ART4: variants seen among roughly 807,000 people sequenced by gnomAD.
The protein encoded by ART4 is ecto-ADP-ribosyltransferase 4.
In ART4, 14 loss-of-function variants were observed where a neutral mutation model predicts 24.2. The ratio of observed to expected loss-of-function variants is 0.58; its 90% CI spans 0.38 to 0.90. The LOEUF is 0.90. ART4 is among the 40% of genes least tolerant of loss of function. The pLI is 0.00. For missense variants in ART4, 356 were observed against 366.6 expected (o/e 0.97, Z 0.24); for synonymous variants, 145 against 139.9 (o/e 1.04, Z -0.26).
chr12:14,834,074 C>G (rs559240003), intron 2 of ART4, among the ~76,000 whole-genome samples: 157 of 152,302 alleles, frequency 1.0e-3, no homozygotes, highest in African/African-American at 3.6e-3. Context: ...AACATTCCCA[C>G]AAGATGAGTA....
intron 2 of ART4, among the ~76,000 whole-genome samples, chr12:14,839,364 G>T (rs1228266941): frequency 6.6e-6 from 1 of 152,142 alleles, no homozygotes; most frequent in Non-Finnish European, 1.5e-5. Flanking sequence ...AACATATGCT[G>T]TGTCTTAGTC....
intron 2 of ART4, among the ~76,000 whole-genome samples, chr12:14,833,224 G>A (rs1057101255): frequency 6.6e-6 from 1 of 152,132 alleles, no homozygotes; most frequent in Non-Finnish European, 1.5e-5. Context: ...CCTATGAAAA[G>A]GGTAACTGTT....
chr12:14,831,135 G>A (rs1038800649), intron 2 of ART4, among the ~76,000 whole-genome samples: 12 of 151,974 alleles, frequency 7.9e-5, no homozygotes, highest in African/African-American at 2.9e-4. Context: ...TCAATTCTCA[G>A]TCCTCACTGT....
In ART4 at chr12:14,829,402, C is replaced by T. The variant is rs768987443; in HGVS notation, c.914G>A (p.Ser305Asn). The T allele has an allele frequency of 3.1e-6, 5 of 1,606,286 alleles. No homozygotes were observed. Among genetic ancestry groups the T allele is most frequent in the East Asian group, 2.2e-5 (1 of 44,524 alleles). The change falls in exon 3 of 3, where the codon AGT (serine) becomes AAT (asparagine). Residue 305 changes from serine (S) to asparagine (N), a missense_variant. Ser to Asn is a conservative substitution (Grantham distance 46). Coordinates refer to ENST00000228936, the MANE Select transcript of ART4 (RefSeq NM_021071.4). ...TCTGCTTTTGGAAAAGATGATGACA[C>T]TGGTCAAAAAGGAGAGAGATGCAAT... The part of the protein sequence containing the change: ...IAIASLSFLT[S>N]VIIFSKSRV
chr12:14,843,201 G>A lies in ART4; in HGVS notation c.-88C>T. The A allele has an allele frequency of 1.3e-6, 2 of 1,540,488 alleles. No individual in the cohort carries two copies. The highest frequency in any genetic ancestry group is 1.8e-6 in the Non-Finnish European group (2 of 1,133,396). The stretch of plus-strand genomic sequence containing the variant: ...AGTTCTCCTTTGAGGTTTTCTTTCA[G>A]TCTCATCCGTAACCGTTTTTTCCCC... On this transcript the variant is annotated 5_prime_UTR_variant, in exon 1 of 3. Transcript: ENST00000228936.
In ART4 at chr12:14,843,305, G is replaced by A. The variant is rs1863085123; in HGVS notation, c.-192C>T. ...GGAAGAAATCAACTCCGACTTCTTTGCAAAACTGAAATCTCTGTGAAATAG... is the reference window on the plus strand; with the variant it reads ...GGAAGAAATCAACTCCGACTTCTTTACAAAACTGAAATCTCTGTGAAATAG... On this transcript the variant is annotated 5_prime_UTR_variant, in exon 1 of 3. Coordinates refer to ENST00000228936, the MANE Select transcript of ART4 (RefSeq NM_021071.4). 1.7e-6 allele frequency: 1 copy of A among 592,230 alleles called. No individual in the cohort carries two copies. Among genetic ancestry groups the A allele is most frequent in the Non-Finnish European group, 2.9e-6 (1 of 345,412 alleles). 36.7% of individuals were successfully genotyped at this position (592,230 alleles called of 1,614,324 possible). A position where few individuals can be genotyped will look rare whatever the true frequency, so the allele number is the denominator to read the frequency against.
intron 2 of ART4, among the ~76,000 whole-genome samples, chr12:14,831,542 G>C (rs1182761223): frequency 6.6e-6 from 1 of 151,920 alleles, no homozygotes; most frequent in African/African-American, 2.4e-5. Flanking sequence ...TGGGATTATA[G>C]GTGTGAGCCA....
Position 14,829,266 on chromosome 12 carries a change from G to C in ART4, c.*105C>G. The C allele has an allele frequency of 1.3e-6, 1 of 758,982 alleles. No homozygotes were observed. The highest frequency in any genetic ancestry group is 2.0e-6 in the Non-Finnish European group (1 of 495,946). 47.0% of individuals were successfully genotyped at this position (758,982 alleles called of 1,614,324 possible). A position where few individuals can be genotyped will look rare whatever the true frequency, so the allele number is the denominator to read the frequency against. On this transcript the variant is annotated 3_prime_UTR_variant, in exon 3 of 3. Coordinates refer to ENST00000228936, the MANE Select transcript of ART4 (RefSeq NM_021071.4). ...GCACTGGTTTCAGCAGAAGTATGAT[G>C]GGATCATCCTTCCTGGAAAATAAAT... is the stretch of plus-strand genomic sequence containing the variant.
intron 2 of ART4, among the ~76,000 whole-genome samples, 156 bp from the exon 3 acceptor site, chr12:14,829,618 A>G (rs991064529): frequency 3.9e-5 from 6 of 152,212 alleles, no homozygotes; most frequent in African/African-American, 1.4e-4. Flanking sequence ...TTTTTCTAAC[A>G]TAACTTGCTT....
rs1476909971 is a variant in ART4 at position 14,840,372 on chromosome 12, C to T, written c.853+73G>A. 9.0e-6 allele frequency: 12 copies of T among 1,327,862 alleles called. No individual in the cohort carries two copies. In the East Asian group the frequency reaches 2.8e-4, roughly 31 times the overall value. 82.3% of individuals were successfully genotyped at this position (1,327,862 alleles called of 1,614,324 possible). A position where few individuals can be genotyped will look rare whatever the true frequency, so the allele number is the denominator to read the frequency against. On this transcript the variant is annotated intron_variant, in intron 2 of 2. Coordinates refer to ENST00000228936, the MANE Select transcript of ART4 (RefSeq NM_021071.4). ...TTTTTGATCTTTCCCCAAAAACCCACTGAGAAAAAATAACTTTTATAAAAG... is the reference window on the plus strand; with the variant it reads ...TTTTTGATCTTTCCCCAAAAACCCATTGAGAAAAAATAACTTTTATAAAAG...
At position 14,841,277 on chromosome 12, in the gene ART4, C is replaced by T. The variant is rs574163983; in HGVS notation, c.145-124G>A. 57 of 809,238 alleles carry T rather than the reference C, an allele frequency of 7.0e-5. 1 individual carries two copies. The South Asian group carries it at 1.0e-3, about 14-fold the overall frequency. The allele number at this position is 809,238 out of a possible 1,614,324, so 50.1% of individuals were successfully genotyped here. A position where few individuals can be genotyped will look rare whatever the true frequency, so the allele number is the denominator to read the frequency against. ...AACCAATATTTACTGAAGTAAGTTACACTGAAAATCATTACACTGTTCCAA... is the reference window on the plus strand; with the variant it reads ...AACCAATATTTACTGAAGTAAGTTATACTGAAAATCATTACACTGTTCCAA... On this transcript the variant is annotated intron_variant, in intron 1 of 2. Transcript: ENST00000228936.
Position 14,835,610 on chromosome 12 carries a change from C to CT in ART4, c.853+4834dup, listed in dbSNP as rs5796613. Among the ~76,000 whole-genome samples the CT allele has an allele frequency of 9.3e-3, 1,368 of 146,754 alleles. 11 individuals carry two copies. The highest frequency in any genetic ancestry group is 0.024 in the Middle Eastern group (7 of 286). Reference sequence around the variant, plus strand: ...TGAAAACATTCTGAAGGCAATCAAACTTTTTTTTTTTTTTTGACGGAGTCT... The same window carrying CT: ...TGAAAACATTCTGAAGGCAATCAAACTTTTTTTTTTTTTTTTGACGGAGTCT... On this transcript the variant is annotated intron_variant, in intron 2 of 2. Coordinates refer to ENST00000228936, the MANE Select transcript of ART4 (RefSeq NM_021071.4).
At position 14,840,319 on chromosome 12, in the gene ART4, C is replaced by T. The variant is rs946342452; in HGVS notation, c.853+126G>A. On this transcript the variant is annotated intron_variant, in intron 2 of 2. Transcript: ENST00000228936. ...GTGGATTTTCTCTAATCTATCAGTT[C>T]CATCATTACCGAAGGCTAGTTTTCA... The T allele has an allele frequency of 1.7e-5, 13 of 742,944 alleles. 1 individual carries two copies. Among genetic ancestry groups the T allele is most frequent in the Admixed American group, 1.6e-4 (5 of 32,222 alleles). The allele number at this position is 742,944 out of a possible 1,614,324, so 46.0% of individuals were successfully genotyped here. A position where few individuals can be genotyped will look rare whatever the true frequency, so the allele number is the denominator to read the frequency against.
intron 2 of ART4, among the ~76,000 whole-genome samples, chr12:14,834,893 C>T (rs1950419324): frequency 6.6e-6 from 1 of 152,132 alleles, no homozygotes; most frequent in Admixed American, 6.5e-5. Flanking sequence ...TTAATTTGAT[C>T]TCTTGTCTCT....
rs1302702696 is a variant in ART4, at chr12:14,840,890, A to G, written c.408T>C (p.Phe136=). Residue 136 remains phenylalanine (F), a synonymous_variant, in exon 2 of 3, where the codon TTT becomes TTC. Transcript: ENST00000228936. ...TGGCAACAGAGGCCATGGCTCTAGTAAAGTCAGAATGAACATTGCTGTTCA... is the reference window on the plus strand; with the variant it reads ...TGGCAACAGAGGCCATGGCTCTAGTGAAGTCAGAATGAACATTGCTGTTCA... ...YTLNSNVHSD[F]TRAMASVART... 1 of 1,614,208 alleles carries G rather than the reference A, an allele frequency of 6.2e-7. No homozygotes were observed. Among genetic ancestry groups the G allele is most frequent in the South Asian group, 1.1e-5 (1 of 91,084 alleles).
At chr12:14,842,228 C>T (rs532282415) in intron 1 of ART4, among the ~76,000 whole-genome samples, 10 of 152,176 alleles carry the variant, frequency 6.6e-5, no homozygotes, top group African/African-American at 1.9e-4. Context: ...ATGATGTTTT[C>T]GTAATAAACA....
chr12:14,834,094 T>G (rs1448057894), intron 2 of ART4, among the ~76,000 whole-genome samples: 2 of 152,200 alleles, frequency 1.3e-5, no homozygotes, highest in African/African-American at 4.8e-5. Flanking sequence ...ATCACTTCCA[T>G]TTTATAAATG....
At chr12:14,839,292 C>T (rs12314703) in intron 2 of ART4, among the ~76,000 whole-genome samples, 11,008 of 152,278 alleles carry the variant, frequency 0.072, 513 homozygotes, top group Non-Finnish European at 0.11. Context: ...ACATCCTACA[C>T]ACCAGCCATC....
At chr12:14,833,608 T>A (rs1455947166) in intron 2 of ART4, among the ~76,000 whole-genome samples, 11 of 152,182 alleles carry the variant, frequency 7.2e-5, no homozygotes, top group Non-Finnish European at 1.6e-4. Flanking sequence ...ACAAATATCA[T>A]TTTATCAGTG....
Sources: gnomAD v4.1 joint callset for allele counts (sites outside exome capture counted in the v4.1 genomes callset) on GRCh38, gnomAD v4.1.1 for gene constraint, MANE v1.5 for transcripts, NCBI Gene and HGNC (gene_info 2026-07-23, HGNC 2026-07-21) for gene names.